ELMO1: variants seen among roughly 807,000 people sequenced by gnomAD.
ELMO1 encodes the protein engulfment and cell motility protein 1.
In ELMO1, 26 loss-of-function variants were observed where a neutral mutation model predicts 98.9. The ratio of observed to expected loss-of-function variants is 0.26; its 90% CI spans 0.19 to 0.36. The LOEUF (loss-of-function observed/expected upper bound fraction) is 0.36, where lower values mean the gene tolerates loss of function less well. Ranked by LOEUF, ELMO1 falls within the 10% of genes least tolerant of loss-of-function variation. The pLI, the probability that ELMO1 is intolerant of heterozygous loss-of-function variation, is 1.00. For synonymous variants in ELMO1, 346 were observed against 346.0 expected, an observed-to-expected ratio of 1.00 and a Z score of 0.00; for missense variants, 627 against 935.2, an observed-to-expected ratio of 0.67 and a Z score of 4.30.
intron 15 of ELMO1, among the ~76,000 whole-genome samples, chr7:37,040,522 A>C (rs1795443958): frequency 6.6e-6 from 1 of 152,176 alleles, no homozygotes. Context: ...CATGTGCATG[A>C]TGTGACACGC....
rs560889668 is a variant in ELMO1, at chr7:37,336,097, C to T, written c.78+6516G>A. 3.0e-5 allele frequency among the ~76,000 whole-genome samples: 4 copies of T among 134,714 alleles called. No individual in the cohort carries two copies. In the South Asian group the frequency reaches 7.5e-4, roughly 25 times the overall value. The allele number at this position is 134,714 out of a possible 152,430, so 88.4% of individuals were successfully genotyped here. On this transcript the variant is annotated intron_variant, in intron 2 of 21. Coordinates refer to ENST00000310758, the MANE Select transcript of ELMO1 (RefSeq NM_014800.11). ...CAAAGACTAGCTGGTCATGGTGGTG[C>T]ACACCTGTAATCTCAGCTACTCGAG... is the stretch of plus-strand genomic sequence containing the variant.
Position 37,233,032 on chromosome 7 carries a change from C to G in ELMO1, c.549+63G>C. 4 of 1,364,376 alleles carry G rather than the reference C, an allele frequency of 2.9e-6. No individual in the cohort carries two copies. In the South Asian group the frequency reaches 5.1e-5, roughly 17 times the overall value. The allele number at this position is 1,364,376 out of a possible 1,614,324, so 84.5% of individuals were successfully genotyped here. A position where few individuals can be genotyped will look rare whatever the true frequency, so the allele number is the denominator to read the frequency against. On this transcript the variant is annotated intron_variant, in intron 8 of 21. Transcript: ENST00000310758. ...AGACAATTATGAAACATCCTCAAAGCAGAGAAAAATAGCTATGACAGAAGA... is the reference window on the plus strand; with the variant it reads ...AGACAATTATGAAACATCCTCAAAGGAGAGAAAAATAGCTATGACAGAAGA...
At chr7:36,984,863 A>G in intron 16 of ELMO1, 1 of 967,560 alleles carries the variant, frequency 1.0e-6, no homozygotes, top group Non-Finnish European at 1.2e-6. Context: ...AGGCAGAGAT[A>G]GAAGCCCCAA....
intron 15 of ELMO1, among the ~76,000 whole-genome samples, chr7:37,074,693 C>T (rs1053410784): frequency 2.0e-5 from 3 of 152,088 alleles, no homozygotes; most frequent in South Asian, 4.1e-4. Flanking sequence ...GGCAATAACC[C>T]GGCTATGAAT....
At chr7:37,157,550 C>T (rs1475773532) in intron 13 of ELMO1, among the ~76,000 whole-genome samples, 1 of 152,020 alleles carries the variant, frequency 6.6e-6, no homozygotes, top group Non-Finnish European at 1.5e-5. Flanking sequence ...GAGTGAACTC[C>T]CATTCAAATT....
intron 15 of ELMO1, among the ~76,000 whole-genome samples, chr7:37,053,285 AACACAC>A (rs59573752): frequency 0.011 from 1,496 of 138,854 alleles, 11 homozygotes; most frequent in South Asian, 0.058. Flanking sequence ...CATTTGTTAA[AACACAC>A]ACACACACAC....
At chr7:37,021,817 T>C (rs1362938939) in intron 15 of ELMO1, among the ~76,000 whole-genome samples, 1 of 152,204 alleles carries the variant, frequency 6.6e-6, no homozygotes, top group African/African-American at 2.4e-5. Context: ...ACAAAGTAAT[T>C]ATTATTGTAC....
intron 16 of ELMO1, among the ~76,000 whole-genome samples, chr7:36,927,375 C>T (rs1785664074): frequency 1.3e-5 from 2 of 152,208 alleles, no homozygotes; most frequent in African/African-American, 2.4e-5. Flanking sequence ...TAATGCTTCT[C>T]GAACTTGTTG....
chr7:36,875,220 C>A (rs1312824333), intron 19 of ELMO1, among the ~76,000 whole-genome samples: 1 of 152,054 alleles, frequency 6.6e-6, no homozygotes, highest in East Asian at 1.9e-4. Flanking sequence ...AAATGCAAAC[C>A]AAGGTGGCAG....
chr7:37,193,467 G>C (rs1008013398), intron 13 of ELMO1, among the ~76,000 whole-genome samples: 12 of 152,318 alleles, frequency 7.9e-5, no homozygotes, highest in African/African-American at 2.9e-4. Flanking sequence ...GCCCAGAGCG[G>C]TCACCCCTCG....
intron 13 of ELMO1, among the ~76,000 whole-genome samples, chr7:37,158,183 G>A (rs1327900199): frequency 1.3e-5 from 2 of 152,120 alleles, no homozygotes; most frequent in Non-Finnish European, 2.9e-5. Context: ...TTAAATGTAA[G>A]ACCTAACACC....
At chr7:37,405,278 GCACATATTGTT>G (rs1803710453) in intron 1 of ELMO1, among the ~76,000 whole-genome samples, 1 of 152,122 alleles carries the variant, frequency 6.6e-6, no homozygotes, top group Non-Finnish European at 1.5e-5. Context: ...CCCAGCCCTT[GCACATATTGTT>G]CCCTCCTCCT....
intron 15 of ELMO1, among the ~76,000 whole-genome samples, chr7:37,030,584 A>T (rs1008812576): frequency 1.3e-5 from 2 of 152,154 alleles, no homozygotes; most frequent in African/African-American, 4.8e-5. Flanking sequence ...TTCCTTATGA[A>T]TGGCTTCAAA....
chr7:37,310,006 C>T (rs1023417964), intron 4 of ELMO1, among the ~76,000 whole-genome samples: 3 of 152,144 alleles, frequency 2.0e-5, no homozygotes, highest in Admixed American at 6.5e-5. Context: ...AGGGAGTGCA[C>T]AATTCTGGCT....
chr7:37,312,640 T>G (rs183471259), intron 4 of ELMO1, among the ~76,000 whole-genome samples: 1 of 152,168 alleles, frequency 6.6e-6, no homozygotes, highest in Non-Finnish European at 1.5e-5. Context: ...CACTGTACCA[T>G]GCTTATGTTC....
intron 1 of ELMO1, among the ~76,000 whole-genome samples, chr7:37,412,411 T>C (rs886170828): frequency 6.6e-6 from 1 of 152,250 alleles, no homozygotes. Flanking sequence ...TGTGGTAAGA[T>C]GTCTCTTGGA....
intron 16 of ELMO1, among the ~76,000 whole-genome samples, chr7:36,903,405 T>C (rs781412539): frequency 3.9e-5 from 6 of 152,236 alleles, no homozygotes; most frequent in Non-Finnish European, 8.8e-5. Context: ...CCTTTATTAC[T>C]ATCTCATCTC....
At chr7:37,366,189 A>C (rs2131341839) in intron 1 of ELMO1, among the ~76,000 whole-genome samples, 1 of 152,340 alleles carries the variant, frequency 6.6e-6, no homozygotes, top group East Asian at 1.9e-4. Context: ...CTTCTACAAG[A>C]CAAAGGAAGA....
chr7:37,296,511 CA>C (rs1798034027), intron 4 of ELMO1, among the ~76,000 whole-genome samples: 2 of 152,240 alleles, frequency 1.3e-5, no homozygotes, highest in African/African-American at 4.8e-5. Flanking sequence ...ATGACACCTA[CA>C]AAATCCTCGT....
Sources: gnomAD v4.1 joint callset for allele counts (sites outside exome capture counted in the v4.1 genomes callset) on GRCh38, gnomAD v4.1.1 for gene constraint, MANE v1.5 for transcripts, NCBI Gene and HGNC (gene_info 2026-07-23, HGNC 2026-07-21) for gene names.